The following PARD3B variants were observed in gnomAD, a reference collection of about 807,000 sequenced individuals.
PARD3B encodes the protein partitioning defective 3 homolog B.
PARD3B carries 103 observed loss-of-function variants against 130.2 expected under a neutral mutation model. The ratio of observed to expected loss-of-function variants is 0.79; its 90% confidence interval spans 0.67 to 0.93. PARD3B has a LOEUF of 0.93. Ranked by LOEUF, PARD3B falls within the 40% of genes least tolerant of loss-of-function variation. PARD3B has a pLI of 0.00. For missense variants in PARD3B, 1,609 were observed against 1,499.2 expected (o/e 1.07, Z -1.21); for synonymous variants, 583 against 553.2 (o/e 1.05, Z -0.76).
At chr2:205,221,305 G>A (rs1013186332) in intron 15 of PARD3B, among the ~76,000 whole-genome samples, 2 of 152,194 alleles carry the variant, frequency 1.3e-5, no homozygotes, top group Non-Finnish European at 2.9e-5. Flanking sequence ...CAACCTCAGT[G>A]CCTAGCATGG....
chr2:205,612,909 A>G (rs2055286612), intron 22 of PARD3B, among the ~76,000 whole-genome samples: 1 of 152,080 alleles, frequency 6.6e-6, no homozygotes, highest in Non-Finnish European at 1.5e-5. Context: ...GGGAGGAGCA[A>G]GGTGTGGGAG....
chr2:204,760,112 G>A (rs2125405827), intron 2 of PARD3B, among the ~76,000 whole-genome samples: 1 of 152,118 alleles, frequency 6.6e-6, no homozygotes, highest in Non-Finnish European at 1.5e-5. Context: ...GGCATTATAT[G>A]TTTTTTAATT....
chr2:204,849,721 C>T (rs894543621), intron 2 of PARD3B, among the ~76,000 whole-genome samples: 2 of 152,082 alleles, frequency 1.3e-5, no homozygotes, highest in African/African-American at 4.8e-5. Context: ...GAAAAAAATG[C>T]TTTTTCAAAA....
intron 1 of PARD3B, among the ~76,000 whole-genome samples, chr2:204,663,074 A>G (rs983130707): frequency 1.3e-5 from 2 of 152,092 alleles, no homozygotes; most frequent in African/African-American, 4.8e-5. Context: ...GTATCTTTAC[A>G]TTTGCCACAT....
At chr2:204,824,689 A>T (rs939121127) in intron 2 of PARD3B, among the ~76,000 whole-genome samples, 22 of 152,290 alleles carry the variant, frequency 1.4e-4, no homozygotes, top group African/African-American at 5.1e-4. Flanking sequence ...TGGAATCTAG[A>T]CATGCCATTT....
intron 18 of PARD3B, among the ~76,000 whole-genome samples, chr2:205,333,327 T>G (rs1386622575): frequency 2.0e-5 from 3 of 152,146 alleles, no homozygotes; most frequent in Non-Finnish European, 4.4e-5. Flanking sequence ...AAAAAGAATG[T>G]AAAATATCTA....
intron 1 of PARD3B, among the ~76,000 whole-genome samples, chr2:204,612,339 C>T (rs1278452679): frequency 6.6e-6 from 1 of 152,126 alleles, no homozygotes; most frequent in Non-Finnish European, 1.5e-5. Context: ...ACCATATAGC[C>T]CAAGGAGTAT....
At chr2:205,018,511 T>C (rs1455051168) in intron 3 of PARD3B, among the ~76,000 whole-genome samples, 1 of 151,966 alleles carries the variant, frequency 6.6e-6, no homozygotes, top group Non-Finnish European at 1.5e-5. Flanking sequence ...TTTCAGTTGA[T>C]CTCTTGTGAA....
At chr2:204,980,499 A>G (rs1407817194) in intron 3 of PARD3B, among the ~76,000 whole-genome samples, 2 of 152,186 alleles carry the variant, frequency 1.3e-5, no homozygotes, top group African/African-American at 2.4e-5. Context: ...TAGGATACTG[A>G]AAAAGAAAAT....
At chr2:204,911,272 G>A (rs1014796707) in intron 2 of PARD3B, among the ~76,000 whole-genome samples, 1 of 152,190 alleles carries the variant, frequency 6.6e-6, no homozygotes, top group Non-Finnish European at 1.5e-5. Flanking sequence ...GGTGATTCCA[G>A]ATTAAGAAGG....
chr2:204,754,958 A>C (rs1322313570), intron 2 of PARD3B, among the ~76,000 whole-genome samples: 1 of 152,166 alleles, frequency 6.6e-6, no homozygotes, highest in Admixed American at 6.6e-5. Flanking sequence ...CGAGTTCCTC[A>C]GTTTTCTCAG....
At chr2:204,941,258 C>T (rs894196669) in intron 2 of PARD3B, among the ~76,000 whole-genome samples, 8 of 152,150 alleles carry the variant, frequency 5.3e-5, no homozygotes, top group East Asian at 1.9e-4. Flanking sequence ...CCCATAGTCC[C>T]GGCTATTCAG....
chr2:204,825,016 A>G (rs908862091), intron 2 of PARD3B, among the ~76,000 whole-genome samples: 6 of 152,100 alleles, frequency 3.9e-5, no homozygotes, highest in Non-Finnish European at 7.4e-5. Context: ...TGGTTTAGGG[A>G]GCATATGTTT....
intron 18 of PARD3B, among the ~76,000 whole-genome samples, chr2:205,303,365 A>C (rs1574646190): frequency 6.6e-6 from 1 of 152,202 alleles, no homozygotes; most frequent in Non-Finnish European, 1.5e-5. Context: ...TCCTTACTAT[A>C]CCAGTCACTA....
intron 3 of PARD3B, among the ~76,000 whole-genome samples, chr2:205,003,558 T>C (rs775715340): frequency 8.5e-5 from 13 of 152,220 alleles, no homozygotes; most frequent in Non-Finnish European, 1.8e-4. Context: ...AGTCGCCTTC[T>C]CAGTAAGCTC....
rs2047086628 is a variant in PARD3B, at chr2:204,907,704, G to GT, written c.223-57444dup. 1.3e-5 allele frequency among the ~76,000 whole-genome samples: 2 copies of GT among 151,792 alleles called. No individual in the cohort carries two copies. The highest frequency in any genetic ancestry group is 4.8e-5 in the African/African-American group (2 of 41,324). On this transcript the variant is annotated intron_variant, in intron 2 of 22. Coordinates refer to ENST00000406610, the MANE Select transcript of PARD3B (RefSeq NM_001302769.2). This position sits in a 1 kb window ranked among gnomAD's most constrained non-coding sequence, Gnocchi z 5.7. ...CTATAAAGAGTGGTTTTTTTGTCTT[G>GT]TTTTGTTTTGTTTTTGACACAGAGT... is the stretch of plus-strand genomic sequence containing the variant.
intron 1 of PARD3B, among the ~76,000 whole-genome samples, chr2:204,650,755 T>C (rs964081830): frequency 6.6e-6 from 1 of 152,080 alleles, no homozygotes; most frequent in African/African-American, 2.4e-5. Context: ...GATTGGGTAA[T>C]TGATGAAGAA....
intron 16 of PARD3B, among the ~76,000 whole-genome samples, chr2:205,267,464 G>A (rs1393550101): frequency 6.9e-6 from 1 of 144,816 alleles, no homozygotes; most frequent in Non-Finnish European, 1.6e-5. Context: ...GCTCAGAGAT[G>A]GGCAAGATCA....
At chr2:204,961,855 G>A (rs1690776138) in intron 2 of PARD3B, among the ~76,000 whole-genome samples, 1 of 152,084 alleles carries the variant, frequency 6.6e-6, no homozygotes, top group African/African-American at 2.4e-5. Flanking sequence ...TTTTGACCTT[G>A]ATAAGAGCAG....
Sources: gnomAD v4.1 joint callset for allele counts (sites outside exome capture counted in the v4.1 genomes callset) on GRCh38, gnomAD v4.1.1 for gene constraint, Gnocchi (gnomAD v3.1) non-coding constraint, MANE v1.5 for transcripts, NCBI Gene and HGNC (gene_info 2026-07-23, HGNC 2026-07-21) for gene names.